COL22A1: variants seen among roughly 807,000 people sequenced by gnomAD.
COL22A1 encodes the protein collagen alpha-1(XXII) chain.
COL22A1 carries 221 observed loss-of-function variants against 248.9 expected under a neutral mutation model. That is an observed-to-expected ratio of 0.89 (90% CI 0.80 to 0.99). COL22A1 has a LOEUF of 0.99. Ranked by LOEUF, COL22A1 falls within the 50% of genes least tolerant of loss-of-function variation. The pLI is 0.00. For missense variants in COL22A1, 2,240 were observed against 2,179.0 expected (o/e 1.03, Z -0.56); for synonymous variants, 891 against 793.4 (o/e 1.12, Z -2.07).
chr8:138,778,755 G>C (rs888933001), intron 14 of COL22A1, among the ~76,000 whole-genome samples: 1 of 152,144 alleles, frequency 6.6e-6, no homozygotes, highest in Admixed American at 6.5e-5. Context: ...CCATGACCTG[G>C]GTCTGGATAT....
chr8:138,626,214 G>T lies in COL22A1; in HGVS notation c.3693C>A (p.Gly1231=), dbSNP rs527896680. The change falls in exon 51 of 65, where the codon GGC becomes GGA. Residue 1231 remains glycine (G), a synonymous_variant. Coordinates refer to ENST00000303045, the MANE Select transcript of COL22A1 (RefSeq NM_152888.3). The stretch of plus-strand genomic sequence containing the variant: ...CTGGGATTCCGGGTAATCCAGATGG[G>T]CCTTGGGGGCCAGGAGGGCCTTCTT... ...PGKEGPPGPQ[G]PSGLPGIPGE... is the part of the protein sequence containing the mutation. 77 of 1,607,528 alleles carry T rather than the reference G, an allele frequency of 4.8e-5. No homozygotes were observed. Among genetic ancestry groups the T allele is most frequent in the Non-Finnish European group, 6.5e-5 (76 of 1,177,862 alleles).
At chr8:138,627,100 A>G (rs1820306936) in intron 50 of COL22A1, among the ~76,000 whole-genome samples, 1 of 152,004 alleles carries the variant, frequency 6.6e-6, no homozygotes, top group Non-Finnish European at 1.5e-5. Flanking sequence ...AATAACCAGG[A>G]TAAAACAAAA....
At chr8:138,724,727 C>G in intron 24 of COL22A1, 59 bp from the exon 25 acceptor site, 2 of 1,535,836 alleles carry the variant, frequency 1.3e-6, no homozygotes, top group South Asian at 2.2e-5. Flanking sequence ...AGATCATTGA[C>G]TCAACCTCTT....
chr8:138,739,979 G>A (rs1169287367), intron 22 of COL22A1, among the ~76,000 whole-genome samples: 1 of 152,208 alleles, frequency 6.6e-6, no homozygotes, highest in African/African-American at 2.4e-5. Flanking sequence ...CCAAGCCTTG[G>A]AGGCACTGGG....
rs1401143050 is a variant in COL22A1, at chr8:138,833,085, T to C, written c.799A>G (p.Ser267Gly). 4.3e-6 allele frequency: 7 copies of C among 1,613,908 alleles called. No individual in the cohort carries two copies. Among genetic ancestry groups the C allele is most frequent in the Non-Finnish European group, 5.9e-6 (7 of 1,179,884 alleles). The change falls in exon 5 of 65, where the codon AGT becomes GGT. Residue 267 changes from serine (S) to glycine (G), a missense_variant. Physicochemically the swap from Ser to Gly is moderately conservative, Grantham distance 56. Coordinates refer to ENST00000303045, the MANE Select transcript of COL22A1 (RefSeq NM_152888.3). The part of the protein sequence containing the change: ...ILGKRENGAQ[S>G]SYVRMGSFPV... The stretch of plus-strand genomic sequence containing the variant: ...AAGGATCCCATCCGTACATAGGAAC[T>C]CTGAGCTCCATTCTCTCTCTTCCCC...
intron 30 of COL22A1, among the ~76,000 whole-genome samples, chr8:138,710,135 T>C (rs189055649): frequency 6.6e-6 from 1 of 152,326 alleles, no homozygotes; most frequent in East Asian, 1.9e-4. Flanking sequence ...AGAACAATGA[T>C]GCTGATAATA....
At chr8:138,817,516 AG>A (rs1345747186) in intron 7 of COL22A1, among the ~76,000 whole-genome samples, 8 of 152,296 alleles carry the variant, frequency 5.3e-5, no homozygotes, top group Admixed American at 3.3e-4. Flanking sequence ...TGAAATGATG[AG>A]GACCCAGGGG....
At chr8:138,876,750 A>G (rs1453182167) in intron 3 of COL22A1, among the ~76,000 whole-genome samples, 1 of 151,970 alleles carries the variant, frequency 6.6e-6, no homozygotes, top group Non-Finnish European at 1.5e-5. Context: ...CCAGCCCCCA[A>G]AGCTTTCCCT....
chr8:138,845,699 G>A (rs1170050612), intron 3 of COL22A1, among the ~76,000 whole-genome samples: 3 of 152,034 alleles, frequency 2.0e-5, no homozygotes, highest in Non-Finnish European at 2.9e-5. Context: ...GTGTCTTAGC[G>A]TGGGCACCTG....
intron 53 of COL22A1, among the ~76,000 whole-genome samples, chr8:138,618,868 A>G (rs1177398430): frequency 6.6e-6 from 1 of 152,198 alleles, no homozygotes; most frequent in East Asian, 1.9e-4. Flanking sequence ...TAGGTAAACA[A>G]TATCTGTGTC....
At chr8:138,765,419 T>C (rs1421586958) in intron 16 of COL22A1, among the ~76,000 whole-genome samples, 2 of 152,152 alleles carry the variant, frequency 1.3e-5, no homozygotes, top group Admixed American at 6.5e-5. Context: ...AGGACTCAAA[T>C]CGAGGTCTCC....
At chr8:138,846,206 G>A (rs752324635) in intron 3 of COL22A1, among the ~76,000 whole-genome samples, 15 of 152,164 alleles carry the variant, frequency 9.9e-5, no homozygotes, top group Admixed American at 2.0e-4. Flanking sequence ...GTGGGGTGAC[G>A]ATCAATTGCT....
At chr8:138,778,292 C>A (rs74569317) in intron 15 of COL22A1, 61 bp downstream of exon 15, 1 of 1,597,110 alleles carries the variant, frequency 6.3e-7, no homozygotes, top group Non-Finnish European at 8.6e-7. Context: ...CTTGCTAGAA[C>A]CTGGTTTTTG....
intron 50 of COL22A1, among the ~76,000 whole-genome samples, chr8:138,629,602 G>A (rs927219578): frequency 2.0e-5 from 3 of 152,168 alleles, no homozygotes; most frequent in Non-Finnish European, 2.9e-5. Context: ...TGGCTGCCTG[G>A]ACCACCCACA....
At chr8:138,844,408 T>C (rs1035677904) in intron 3 of COL22A1, among the ~76,000 whole-genome samples, 12 of 152,240 alleles carry the variant, frequency 7.9e-5, no homozygotes, top group Admixed American at 2.0e-4. Flanking sequence ...GCTTTCTTCC[T>C]GTCTATGAGG....
At chr8:138,732,902 A>G (rs1361214394) in intron 23 of COL22A1, among the ~76,000 whole-genome samples, 3 of 152,256 alleles carry the variant, frequency 2.0e-5, no homozygotes, top group Non-Finnish European at 4.4e-5. Context: ...GGATTTATAA[A>G]GTTAGATGGA....
At chr8:138,606,649 A>G (rs1271862231) in intron 57 of COL22A1, among the ~76,000 whole-genome samples, 197 bp from the exon 58 acceptor site, 1 of 152,132 alleles carries the variant, frequency 6.6e-6, no homozygotes, top group African/African-American at 2.4e-5. Context: ...CAGCCAGGGG[A>G]AGAAGATGAG....
Position 138,685,120 on chromosome 8 carries a change from A to C in COL22A1, c.2967+88T>G, listed in dbSNP as rs565970149. On this transcript the variant is annotated intron_variant, in intron 38 of 64. Coordinates refer to ENST00000303045, the MANE Select transcript of COL22A1 (RefSeq NM_152888.3). ...TCATTGGCCACGGTTCAATTTCTGC[A>C]AAGTTTGGCAGTTAGATTTTTTTCC... 8 of 946,592 alleles carry C rather than the reference A, an allele frequency of 8.5e-6. No individual in the cohort carries two copies. In the East Asian group the frequency reaches 1.9e-4, roughly 23 times the overall value. The allele number at this position is 946,592 out of a possible 1,614,324, so 58.6% of individuals were successfully genotyped here. A position where few individuals can be genotyped will look rare whatever the true frequency, so the allele number is the denominator to read the frequency against.
intron 64 of COL22A1, among the ~76,000 whole-genome samples, chr8:138,590,965 T>G (rs924139622): frequency 6.6e-6 from 1 of 152,202 alleles, no homozygotes; most frequent in African/African-American, 2.4e-5. Flanking sequence ...ACTAAAAGGA[T>G]ATTAACAACT....
Sources: gnomAD v4.1 joint callset for allele counts (sites outside exome capture counted in the v4.1 genomes callset) on GRCh38, gnomAD v4.1.1 for gene constraint, MANE v1.5 for transcripts, NCBI Gene and HGNC (gene_info 2026-07-23, HGNC 2026-07-21) for gene names.